Variants in CDKN3 observed in about 807,000 individuals in gnomAD.
CDKN3 encodes cyclin dependent kinase inhibitor 3.
A neutral mutation model predicts 36.1 loss-of-function variants in CDKN3; 19 were observed. That is an observed-to-expected ratio of 0.53 (90% confidence interval 0.37 to 0.77). The LOEUF is 0.77. Among genes scored for constraint, CDKN3 ranks in the 30% least tolerant of loss-of-function variants. The pLI, the probability that CDKN3 is intolerant of heterozygous loss-of-function variation, is 0.00. For synonymous variants in CDKN3, 71 were observed against 85.3 expected (o/e 0.83, Z 0.92); for missense variants, 188 against 248.6 (o/e 0.76, Z 1.64).
intron 3 of CDKN3, among the ~76,000 whole-genome samples, chr14:54,403,129 A>G (rs2030020507): frequency 6.6e-6 from 1 of 152,144 alleles, no homozygotes; most frequent in Admixed American, 6.5e-5. Flanking sequence ...GAATCTATAA[A>G]TTACTTTGGG....
chr14:54,411,255 G>A, intron 4 of CDKN3: 2 of 472,880 alleles, frequency 4.2e-6, no homozygotes, highest in South Asian at 3.6e-5. Flanking sequence ...TGCAAGAACA[G>A]CAATTGACTT....
intron 6 of CDKN3, among the ~76,000 whole-genome samples, chr14:54,416,798 AAGTG>A (rs2030568383): frequency 6.6e-6 from 1 of 152,146 alleles, no homozygotes; most frequent in African/African-American, 2.4e-5. Flanking sequence ...CTAGATGACA[AAGTG>A]AGATCGTCTC....
intron 7 of CDKN3, among the ~76,000 whole-genome samples, chr14:54,419,157 C>G (rs1269654419): frequency 8.0e-6 from 1 of 125,054 alleles, no homozygotes; most frequent in African/African-American, 2.9e-5. Flanking sequence ...GACCCTGTCT[C>G]AAAAAAAAAA....
intron 3 of CDKN3, among the ~76,000 whole-genome samples, chr14:54,406,750 T>C (rs1462222132): frequency 6.6e-6 from 1 of 152,070 alleles, no homozygotes; most frequent in Admixed American, 6.5e-5. Context: ...TAACCTTTTA[T>C]CAAGTTTCTT....
chr14:54,400,350 C>A (rs556924837), intron 2 of CDKN3, among the ~76,000 whole-genome samples: 2 of 150,428 alleles, frequency 1.3e-5, no homozygotes, highest in Non-Finnish European at 3.0e-5. Context: ...TCTACTTATT[C>A]TTTTATGACA....
At chr14:54,409,694 A>G (rs1299883568) in intron 4 of CDKN3, among the ~76,000 whole-genome samples, 1 of 151,866 alleles carries the variant, frequency 6.6e-6, no homozygotes, top group Non-Finnish European at 1.5e-5. Context: ...TTAACTGGGC[A>G]TGATGGCGCG....
At chr14:54,404,277 TG>T (rs1555361693) in intron 3 of CDKN3, among the ~76,000 whole-genome samples, 1 of 152,194 alleles carries the variant, frequency 6.6e-6, no homozygotes, top group Non-Finnish European at 1.5e-5. Context: ...CCTTTAGTCT[TG>T]GGAGGGTGTA....
At chr14:54,410,862 G>A (rs886700671) in intron 4 of CDKN3, among the ~76,000 whole-genome samples, 5 of 151,780 alleles carry the variant, frequency 3.3e-5, no homozygotes, top group African/African-American at 9.7e-5. Flanking sequence ...AACCATATTT[G>A]CTACTCAATT....
At position 54,415,935 on chromosome 14, in the gene CDKN3, G is replaced by A; in HGVS notation, c.448+5G>A. The A allele has an allele frequency of 6.3e-7, 1 of 1,585,900 alleles. No homozygotes were observed. Among genetic ancestry groups the A allele is most frequent in the South Asian group, 1.1e-5 (1 of 90,276 alleles). On this transcript the variant is annotated splice_donor_5th_base_variant and intron_variant, in intron 6 of 7. Coordinates refer to ENST00000335183, the MANE Select transcript of CDKN3 (RefSeq NM_005192.4). Reference sequence around the variant, plus strand: ...GACTTGGGAGATCTTGTCTTGGTAAGAAATATATTTCTATTATTTTTTTAA... The same window carrying A: ...GACTTGGGAGATCTTGTCTTGGTAAAAAATATATTTCTATTATTTTTTTAA...
At chr14:54,400,926 G>A (rs2029916350) in intron 2 of CDKN3, among the ~76,000 whole-genome samples, 2 of 152,134 alleles carry the variant, frequency 1.3e-5, no homozygotes, top group Non-Finnish European at 2.9e-5. Flanking sequence ...AATTATATCT[G>A]TTAAGGAAGT....
At chr14:54,411,793 T>G in intron 5 of CDKN3, 87 bp downstream of exon 5, 1 of 834,080 alleles carries the variant, frequency 1.2e-6, no homozygotes, top group Non-Finnish European at 2.0e-6. Context: ...AGTTATCACC[T>G]ACTTCATAGT....
chr14:54,408,024 T>G (rs1208096455), intron 3 of CDKN3, among the ~76,000 whole-genome samples: 2 of 152,238 alleles, frequency 1.3e-5, no homozygotes, highest in Non-Finnish European at 2.9e-5. Flanking sequence ...TTGATGGGCA[T>G]TTGGGCTGGT....
At chr14:54,419,657 G>A (rs4251676) in intron 7 of CDKN3, among the ~76,000 whole-genome samples, 15,298 of 152,048 alleles carry the variant, frequency 0.1, 2,200 homozygotes, top group African/African-American at 0.31. Flanking sequence ...CTTACCAGGG[G>A]GGAAAAATGT....
chr14:54,417,107 A>G (rs1221053708), intron 6 of CDKN3, among the ~76,000 whole-genome samples: 1 of 152,220 alleles, frequency 6.6e-6, no homozygotes, highest in African/African-American at 2.4e-5. Flanking sequence ...GCGGCTTTGG[A>G]AAATAGTCTA....
chr14:54,413,870 G>A, intron 5 of CDKN3: 1 of 1,331,818 alleles, frequency 7.5e-7, no homozygotes, highest in Non-Finnish European at 9.7e-7. Flanking sequence ...CACAAACCAG[G>A]TAGCTGAAAA....
intron 1 of CDKN3, among the ~76,000 whole-genome samples, chr14:54,399,000 T>C (rs1316342113): frequency 6.8e-6 from 1 of 146,770 alleles, no homozygotes; most frequent in Non-Finnish European, 1.5e-5. Flanking sequence ...TTTTTTTTTT[T>C]TTTTTGGCAG....
intron 6 of CDKN3, 31 bp from the exon 7 acceptor site, chr14:54,417,817 A>G: frequency 8.1e-7 from 1 of 1,228,390 alleles, no homozygotes; most frequent in Non-Finnish European, 1.2e-6. Flanking sequence ...GTTATTTAAT[A>G]ACATATTATT....
intron 1 of CDKN3, among the ~76,000 whole-genome samples, chr14:54,397,309 G>A (rs1198675491): frequency 6.6e-6 from 1 of 152,288 alleles, no homozygotes; most frequent in Middle Eastern, 3.2e-3. Context: ...TGCACCTGCT[G>A]TGGGCTGTCA....
intron 5 of CDKN3, 84 bp downstream of exon 5, chr14:54,411,790 A>C (rs1283096175): frequency 1.2e-6 from 1 of 855,036 alleles, no homozygotes; most frequent in East Asian, 2.6e-5. Flanking sequence ...TTCAGTTATC[A>C]CCTACTTCAT....
Sources: gnomAD v4.1 joint callset for allele counts (sites outside exome capture counted in the v4.1 genomes callset) on GRCh38, gnomAD v4.1.1 for gene constraint, MANE v1.5 for transcripts, NCBI Gene and HGNC (gene_info 2026-07-23, HGNC 2026-07-21) for gene names.